Variants in SP4 observed in about 807,000 individuals in gnomAD.
SP4 encodes the protein Sp4 transcription factor.
SP4 carries 19 observed loss-of-function variants against 72.8 expected under a neutral mutation model. The observed-to-expected ratio is 0.26, with a 90% CI of 0.18 to 0.38. The LOEUF is 0.38. Among genes scored for constraint, SP4 ranks in the 10% least tolerant of loss-of-function variants. SP4 has a pLI of 1.00. For missense variants in SP4, 1,008 were observed against 926.3 expected (o/e 1.09, Z -1.14); for synonymous variants, 395 against 333.1 (o/e 1.19, Z -2.02).
rs189192749 is a variant in SP4 at position 21,492,425 on chromosome 7, A to G, written c.2107+10302A>G. Among the ~76,000 whole-genome samples the G allele has an allele frequency of 2.7e-4, 41 of 152,322 alleles. No homozygotes were observed. The East Asian group carries it at 7.3e-3, about 27-fold the overall frequency. ...CTGAAACTTTTTCAGCACCAGCAGG[A>G]CGCTCAAAAGAAATAGTCATTGGAG... is the stretch of plus-strand genomic sequence containing the variant. On this transcript the variant is annotated intron_variant, in intron 5 of 5. Transcript: ENST00000222584.
chr7:21,460,208 G>C (rs145485841), intron 3 of SP4, among the ~76,000 whole-genome samples: 1 of 152,192 alleles, frequency 6.6e-6, no homozygotes, highest in African/African-American at 2.4e-5. Flanking sequence ...ACGGACCCTT[G>C]CGGTGAGTGT....
intron 5 of SP4, among the ~76,000 whole-genome samples, chr7:21,498,513 T>A (rs957630912): frequency 9.2e-5 from 14 of 152,174 alleles, no homozygotes; most frequent in Non-Finnish European, 2.9e-5. Flanking sequence ...ACTGATAGAC[T>A]GGGAGTAAGG....
intron 5 of SP4, among the ~76,000 whole-genome samples, chr7:21,488,522 C>T (rs76299239): frequency 0.023 from 3,228 of 139,150 alleles, 53 homozygotes; most frequent in African/African-American, 0.039. Context: ...CCTTTTATGC[C>T]TTTACTATTA....
intron 4 of SP4, among the ~76,000 whole-genome samples, chr7:21,478,021 TC>T (rs1165711437): frequency 1.3e-5 from 2 of 152,244 alleles, no homozygotes; most frequent in East Asian, 3.9e-4. Context: ...AAATTCTGTA[TC>T]TTTTTTAAGC....
At chr7:21,450,471 G>A (rs1783554966) in intron 3 of SP4, among the ~76,000 whole-genome samples, 1 of 152,180 alleles carries the variant, frequency 6.6e-6, no homozygotes, top group African/African-American at 2.4e-5. Flanking sequence ...CTTCATATAA[G>A]TATTGGATCC....
At chr7:21,441,245 G>C (rs1274871203) in intron 3 of SP4, among the ~76,000 whole-genome samples, 1 of 152,164 alleles carries the variant, frequency 6.6e-6, no homozygotes, top group Non-Finnish European at 1.5e-5. Flanking sequence ...TGAAGAGTGA[G>C]GATGGCTTGA....
At chr7:21,469,540 ATTTT>A (rs59458328) in intron 3 of SP4, among the ~76,000 whole-genome samples, 4 of 127,434 alleles carry the variant, frequency 3.1e-5, no homozygotes, top group Admixed American at 7.8e-5. Flanking sequence ...TTTAGTTATA[ATTTT>A]TTTTTTTTTT....
intron 3 of SP4, among the ~76,000 whole-genome samples, chr7:21,475,621 G>A (rs532425453): frequency 2.0e-5 from 3 of 151,880 alleles, no homozygotes; most frequent in South Asian, 4.2e-4. Context: ...CCGCCACCAC[G>A]CCCGGCTAAT....
At chr7:21,442,751 T>C (rs1490027645) in intron 3 of SP4, among the ~76,000 whole-genome samples, 2 of 152,228 alleles carry the variant, frequency 1.3e-5, no homozygotes, top group Non-Finnish European at 2.9e-5. Context: ...TTGTTTTGTT[T>C]TTGAGACGGA....
rs534247289 is a variant in SP4, at chr7:21,431,159, T to C, written c.1678+316T>C. Among the ~76,000 whole-genome samples the C allele has an allele frequency of 2.4e-4, 37 of 152,330 alleles. No homozygotes were observed. In the South Asian group the frequency reaches 6.8e-3, roughly 28 times the overall value. On this transcript the variant is annotated intron_variant, in intron 3 of 5. Transcript: ENST00000222584. ...GTCTTATTTGAGTACATTCCAGCTCTTCAGAAAGAACCCTAGTCGAAATGA... is the reference window on the plus strand; with the variant it reads ...GTCTTATTTGAGTACATTCCAGCTCCTCAGAAAGAACCCTAGTCGAAATGA...
intron 5 of SP4, among the ~76,000 whole-genome samples, chr7:21,490,643 G>A (rs976750264): frequency 4.6e-5 from 7 of 152,158 alleles, no homozygotes; most frequent in Non-Finnish European, 8.8e-5. Context: ...TTTTGAGAGC[G>A]ATATAAAAGA....
At chr7:21,447,317 C>T (rs1399995627) in intron 3 of SP4, among the ~76,000 whole-genome samples, 1 of 152,210 alleles carries the variant, frequency 6.6e-6, no homozygotes, top group Non-Finnish European at 1.5e-5. Context: ...TCCTTGCTGC[C>T]TTCTTGCCAT....
intron 5 of SP4, among the ~76,000 whole-genome samples, chr7:21,497,854 A>G (rs1363046225): frequency 6.6e-6 from 1 of 152,254 alleles, no homozygotes; most frequent in East Asian, 1.9e-4. Flanking sequence ...GCTACAGGAA[A>G]AAATGAAAAA....
At chr7:21,490,082 CTG>C (rs1438633312) in intron 5 of SP4, among the ~76,000 whole-genome samples, 1 of 152,236 alleles carries the variant, frequency 6.6e-6, no homozygotes, top group African/African-American at 2.4e-5. Context: ...ACTAAAAACT[CTG>C]GACAAGTTTA....
At chr7:21,453,473 A>C (rs1206673961) in intron 3 of SP4, among the ~76,000 whole-genome samples, 3 of 152,206 alleles carry the variant, frequency 2.0e-5, no homozygotes. Context: ...TAACTTAACA[A>C]TTATAATTAT....
intron 3 of SP4, among the ~76,000 whole-genome samples, chr7:21,457,423 G>T (rs1783801585): frequency 6.6e-6 from 1 of 152,100 alleles, no homozygotes; most frequent in African/African-American, 2.4e-5. Context: ...ATTGTGCCTT[G>T]CATGTGGTTG....
At chr7:21,440,746 A>T (rs576849875) in intron 3 of SP4, among the ~76,000 whole-genome samples, 10 of 152,114 alleles carry the variant, frequency 6.6e-5, no homozygotes, top group Non-Finnish European at 1.5e-4. Flanking sequence ...CTACTCTGGG[A>T]GGCCGAGGTG....
At chr7:21,429,065 T>C (rs756432372) in intron 2 of SP4, among the ~76,000 whole-genome samples, 4 of 152,214 alleles carry the variant, frequency 2.6e-5, no homozygotes, top group Non-Finnish European at 4.4e-5. Context: ...TTTACAAAGT[T>C]GTAAAGAAAT....
chr7:21,452,870 C>T (rs977364498), intron 3 of SP4, among the ~76,000 whole-genome samples: 2 of 151,884 alleles, frequency 1.3e-5, no homozygotes, highest in Admixed American at 6.6e-5. Context: ...GCAGTCTCCA[C>T]CTCCGAGGTT....
Sources: gnomAD v4.1 joint callset for allele counts (sites outside exome capture counted in the v4.1 genomes callset) on GRCh38, gnomAD v4.1.1 for gene constraint, MANE v1.5 for transcripts, NCBI Gene and HGNC (gene_info 2026-07-23, HGNC 2026-07-21) for gene names.